TTC39C: variants seen among roughly 807,000 people sequenced by gnomAD.
TTC39C encodes tetratricopeptide repeat domain 39C, also known as tetratricopeptide repeat protein 39C.
A neutral mutation model predicts 76.3 loss-of-function variants in TTC39C; 33 were observed. The ratio of observed to expected loss-of-function variants is 0.43; its 90% CI spans 0.33 to 0.58. The LOEUF is 0.58. Ranked by LOEUF, TTC39C falls within the 20% of genes least tolerant of loss-of-function variation. The pLI is 0.04. For missense variants in TTC39C, 595 were observed against 701.4 expected (o/e 0.85, Z 1.71); for synonymous variants, 254 against 260.6 (o/e 0.97, Z 0.24).
intron 6 of TTC39C, among the ~76,000 whole-genome samples, chr18:24,095,817 A>G (rs1395067557): frequency 6.6e-6 from 1 of 152,166 alleles, no homozygotes; most frequent in Admixed American, 6.5e-5. Context: ...ATTAAGCTTA[A>G]TCATTTTTAG....
intron 1 of TTC39C, among the ~76,000 whole-genome samples, chr18:24,038,780 C>A (rs1414764073): frequency 2.0e-5 from 3 of 152,118 alleles, no homozygotes; most frequent in Non-Finnish European, 2.9e-5. Flanking sequence ...AGGGCTGTCT[C>A]TCTTCCTAGC....
intron 6 of TTC39C, among the ~76,000 whole-genome samples, chr18:24,095,972 T>C (rs2084583393): frequency 1.3e-5 from 2 of 152,150 alleles, no homozygotes; most frequent in Non-Finnish European, 2.9e-5. Context: ...GAATGGCTGG[T>C]TAGTGGAGCA....
chr18:24,036,336 T>C (rs2083732045), intron 1 of TTC39C, among the ~76,000 whole-genome samples: 2 of 152,210 alleles, frequency 1.3e-5, no homozygotes, highest in Non-Finnish European at 1.5e-5. Flanking sequence ...ATATTAAGTC[T>C]CCTAATCCAT....
rs1256601465 is a variant in TTC39C at position 24,134,127 on chromosome 18, TC to T, written c.*1556del. 1 of 154,682 alleles carries T rather than the reference TC, an allele frequency of 6.5e-6. No homozygotes were observed. The highest frequency in any genetic ancestry group is 2.4e-5 in the African/African-American group (1 of 41,504). 9.6% of individuals were successfully genotyped at this position (154,682 alleles called of 1,614,324 possible). A position where few individuals can be genotyped will look rare whatever the true frequency, so the allele number is the denominator to read the frequency against. On this transcript the variant is annotated 3_prime_UTR_variant, in exon 14 of 14. Transcript: ENST00000317571. The stretch of plus-strand genomic sequence containing the variant: ...AAAATGTGTATTCACATTGACTTTC[TC>T]CCTGATGTGAATTCCGTGTGGGTTT...
intron 6 of TTC39C, among the ~76,000 whole-genome samples, chr18:24,084,009 A>G (rs145253726): frequency 9.4e-4 from 143 of 152,276 alleles, no homozygotes; most frequent in African/African-American, 3.2e-3. Flanking sequence ...AAATGCTTTC[A>G]TGGGCACAGG....
At chr18:24,118,088 A>G in intron 7 of TTC39C, 37 bp from the exon 8 acceptor site, 1 of 1,571,480 alleles carries the variant, frequency 6.4e-7, no homozygotes, top group Non-Finnish European at 8.7e-7. Flanking sequence ...AGAGCTCAGT[A>G]CTTTAGGGTC....
chr18:24,042,719 C>T (rs79236511), intron 1 of TTC39C, among the ~76,000 whole-genome samples: 4,131 of 152,164 alleles, frequency 0.027, 161 homozygotes, highest in African/African-American at 0.085. Flanking sequence ...TTTACAGGGG[C>T]TTATAGTTTT....
At position 24,080,667 on chromosome 18, in the gene TTC39C, G is replaced by T. The variant is rs1599306136; in HGVS notation, c.543G>T (p.Glu181Asp). The T allele has an allele frequency of 6.2e-7, 1 of 1,614,162 alleles. No individual in the cohort carries two copies. Among genetic ancestry groups the T allele is most frequent in the Non-Finnish European group, 8.5e-7 (1 of 1,180,004 alleles). Residue 181 changes from glutamate to aspartate, a missense_variant, in exon 5 of 14, where the codon GAG (glutamate) becomes GAT (aspartate). Coordinates refer to ENST00000317571, the MANE Select transcript of TTC39C (RefSeq NM_001135993.2). ...ATCTGGACATCAATGCCCTTCAGGA[G>T]CTGTATCAGAAGAAGCTAACTGAAG... ...KCYLDINALQ[E>D]LYQKKLTEES...
chr18:24,122,500 C>CAAAA lies in TTC39C; in HGVS notation c.1187-1317_1187-1314dup, dbSNP rs36002596. On this transcript the variant is annotated intron_variant, in intron 8 of 13. Transcript: ENST00000317571. ...CTGGTGACAGAGCAAGACTCCATCT[C>CAAAA]AAAAAAAAAAAAAAAAAAAAGAAGA... Among the ~76,000 whole-genome samples the CAAAA allele has an allele frequency of 5.5e-4, 28 of 51,030 alleles. 5 individuals are homozygous for CAAAA. Among genetic ancestry groups the CAAAA allele is most frequent in the Admixed American group, 1.5e-3 (4 of 2,678 alleles). 33.5% of individuals were successfully genotyped at this position (51,030 alleles called of 152,430 possible).
intron 6 of TTC39C, among the ~76,000 whole-genome samples, chr18:24,092,108 A>ATAAT (rs1477454952): frequency 5.2e-5 from 7 of 134,272 alleles, no homozygotes; most frequent in Admixed American, 5.1e-4. Context: ...AAAAAAAAAA[A>ATAAT]AAAAAAAAAA....
chr18:24,123,385 TTTTGTTTG>T (rs138234250), intron 8 of TTC39C, among the ~76,000 whole-genome samples: 48 of 139,160 alleles, frequency 3.4e-4, no homozygotes, highest in Admixed American at 1.5e-3. Context: ...ACAGTCTTTT[TTTTGTTTG>T]TTTGTTTGTT....
intron 7 of TTC39C, among the ~76,000 whole-genome samples, chr18:24,117,263 T>A (rs879918041): frequency 3.9e-5 from 6 of 152,182 alleles, no homozygotes; most frequent in Admixed American, 2.6e-4. Context: ...ATCCTTTACA[T>A]TTTAGTTGCT....
At chr18:24,005,683 A>G (rs1397930925) in intron 1 of TTC39C, among the ~76,000 whole-genome samples, 4 of 151,140 alleles carry the variant, frequency 2.6e-5, no homozygotes, top group African/African-American at 9.7e-5. Context: ...CTGTCTCTAA[A>G]AAAAAAAAAA....
intron 1 of TTC39C, among the ~76,000 whole-genome samples, chr18:24,038,405 CCCGAGTAG>C (rs1211334445): frequency 6.6e-6 from 1 of 152,206 alleles, no homozygotes; most frequent in Non-Finnish European, 1.5e-5. Context: ...ACCTCAGCCT[CCCGAGTAG>C]CTGGAACCAC....
rs898422785 is a variant in TTC39C at position 24,045,580 on chromosome 18, C to T, written c.168-18560C>T. Reference sequence around the variant, plus strand: ...CACTGTCTGTATTTCTACTCTGGAACGTAAACTCCGTGGGAAGGGCCTCAT... The same window carrying T: ...CACTGTCTGTATTTCTACTCTGGAATGTAAACTCCGTGGGAAGGGCCTCAT... On this transcript the variant is annotated intron_variant, in intron 1 of 13. Transcript: ENST00000317571. 2.5e-4 allele frequency among the ~76,000 whole-genome samples: 38 copies of T among 151,836 alleles called. 1 individual carries two copies. The highest frequency in any genetic ancestry group is 1.6e-3 in the Admixed American group (25 of 15,242).
intron 1 of TTC39C, among the ~76,000 whole-genome samples, chr18:24,061,337 T>C (rs1241448046): frequency 1.3e-5 from 2 of 152,120 alleles, no homozygotes; most frequent in African/African-American, 4.8e-5. Flanking sequence ...CTAATGCTTA[T>C]ACTCAGCCTT....
intron 1 of TTC39C, among the ~76,000 whole-genome samples, chr18:24,060,551 G>A (rs2043026): frequency 0.61 from 93,118 of 151,748 alleles, 30,868 homozygotes; most frequent in Middle Eastern, 0.8. Flanking sequence ...CAGGTGATCT[G>A]CCCGCCTCAG....
chr18:24,019,891 G>A, intron 1 of TTC39C: 1 of 1,526,542 alleles, frequency 6.6e-7, no homozygotes, highest in East Asian at 2.5e-5. Context: ...GAAAACCTCA[G>A]CGCTTCCTGG....
chr18:24,006,861 G>A (rs551978962), intron 1 of TTC39C, among the ~76,000 whole-genome samples: 2 of 152,224 alleles, frequency 1.3e-5, no homozygotes, highest in South Asian at 2.1e-4. Flanking sequence ...ATCTGGCTAC[G>A]TGTCTCATCA....
Sources: allele counts gnomAD v4.1 joint callset (sites outside exome capture counted in the v4.1 genomes callset), GRCh38; gene constraint gnomAD v4.1.1; transcripts MANE v1.5; gene names NCBI Gene and HGNC (gene_info 2026-07-23, HGNC 2026-07-21).